SERINC5: variants seen among roughly 807,000 people sequenced by gnomAD.
SERINC5 encodes the protein serine incorporator 5, also known as chromosome 5 open reading frame 12.
SERINC5 carries 41 observed loss-of-function variants against 63.1 expected under a neutral mutation model. That is an observed-to-expected ratio of 0.65 (90% CI 0.51 to 0.84). The LOEUF (loss-of-function observed/expected upper bound fraction) is 0.84, where lower values mean the gene tolerates loss of function less well. Ranked by LOEUF, SERINC5 falls within the 40% of genes least tolerant of loss-of-function variation. The probability of loss-of-function intolerance (pLI) is 0.00; values close to 1 mark genes in which losing one functional copy is unlikely to be tolerated. For synonymous variants in SERINC5, 222 were observed against 215.2 expected (o/e 1.03, Z -0.28); for missense variants, 523 against 573.0 (o/e 0.91, Z 0.89).
At chr5:80,211,580 T>G (rs1282365525) in intron 1 of SERINC5, among the ~76,000 whole-genome samples, 2 of 152,224 alleles carry the variant, frequency 1.3e-5, no homozygotes, top group African/African-American at 2.4e-5. Context: ...ATCACCTGTC[T>G]ATAAACTGCG....
chr5:80,248,611 A>G (rs1231860479), intron 1 of SERINC5, among the ~76,000 whole-genome samples: 1 of 152,254 alleles, frequency 6.6e-6, no homozygotes, highest in Non-Finnish European at 1.5e-5. Context: ...GCCAACATCA[A>G]CCAAAACACC....
At position 80,114,424 on chromosome 5, in the gene SERINC5, C is replaced by A. The variant is rs546672087; in HGVS notation, c.1239-799G>T. ...ATCCCAGCACTTTGGGAGGTTGAGG[C>A]AGGCAGATCACTTGAGGTCAGGAGT... On this transcript the variant is annotated intron_variant, in intron 11 of 12. Transcript: ENST00000509193. The A allele has an allele frequency of 1.2e-4, 18 of 156,446 alleles. No individual in the cohort carries two copies. The South Asian group carries it at 1.2e-3, about 11-fold the overall frequency. The allele number at this position is 156,446 out of a possible 1,614,324, so 9.7% of individuals were successfully genotyped here. A position where few individuals can be genotyped will look rare whatever the true frequency, so the allele number is the denominator to read the frequency against.
chr5:80,139,045 G>T lies in SERINC5; in HGVS notation c.*4618C>A. 1 of 983,354 alleles carries T rather than the reference G, an allele frequency of 1.0e-6. No homozygotes were observed. Among genetic ancestry groups the T allele is most frequent in the Non-Finnish European group, 1.2e-6 (1 of 828,152 alleles). The allele number at this position is 983,354 out of a possible 1,614,324, so 60.9% of individuals were successfully genotyped here. ...TAAAGGGGGAAAATAACTTTCAAAAGTTACCAAAATTCGAATCATATCAGA... is the reference window on the plus strand; with the variant it reads ...TAAAGGGGGAAAATAACTTTCAAAATTTACCAAAATTCGAATCATATCAGA... On this transcript the variant is annotated 3_prime_UTR_variant, in exon 12 of 12. Coordinates refer to ENST00000507668, the MANE Select transcript of SERINC5 (RefSeq NM_001174072.3).
intron 1 of SERINC5, among the ~76,000 whole-genome samples, chr5:80,213,853 A>AAT (rs1750544498): frequency 6.6e-6 from 1 of 152,134 alleles, no homozygotes; most frequent in African/African-American, 2.4e-5. Context: ...TTCACTCACT[A>AAT]ATATATACTA....
At chr5:80,167,638 T>C (rs1747390757) in intron 6 of SERINC5, among the ~76,000 whole-genome samples, 1 of 152,178 alleles carries the variant, frequency 6.6e-6, no homozygotes. Context: ...TTTGAGGAAT[T>C]GCCACCCTGC....
chr5:80,125,990 C>T (rs1744733742), intron 11 of SERINC5, among the ~76,000 whole-genome samples: 1 of 152,186 alleles, frequency 6.6e-6, no homozygotes, highest in South Asian at 2.1e-4. Flanking sequence ...AGTTCAGAGA[C>T]TCTATCAGAA....
At chr5:80,175,851 G>A (rs1248277032) in intron 4 of SERINC5, among the ~76,000 whole-genome samples, 4 of 134,384 alleles carry the variant, frequency 3.0e-5, no homozygotes, top group Admixed American at 7.8e-5. Context: ...GTGACAGAGC[G>A]AGACTTGGTC....
intron 1 of SERINC5, among the ~76,000 whole-genome samples, chr5:80,225,083 G>A (rs374654937): frequency 1.5e-4 from 23 of 152,018 alleles, no homozygotes; most frequent in African/African-American, 5.6e-4. Flanking sequence ...TGAGATTACA[G>A]GGGCACGCCA....
rs1169849231 is a variant in SERINC5, at chr5:80,150,938, T to C, written c.997A>G (p.Thr333Ala). ...GCILYSCLTS[T>A]TRSSSDALQG... Reference sequence around the variant, plus strand: ...AGAGCGTCAGAACTCGATCTTGTTGTTGATGTCAAACTAAGAAACAGACAA... The same window carrying C: ...AGAGCGTCAGAACTCGATCTTGTTGCTGATGTCAAACTAAGAAACAGACAA... The change falls in exon 9 of 12, where the codon ACA becomes GCA. Residue 333 changes from threonine to alanine, a missense_variant. Physicochemically the swap from Thr to Ala is moderately conservative, Grantham distance 58. Transcript: ENST00000507668. The C allele has an allele frequency of 1.2e-6, 2 of 1,613,136 alleles. No homozygotes were observed. Among genetic ancestry groups the C allele is most frequent in the Admixed American group, 1.7e-5 (1 of 60,006 alleles).
chr5:80,201,288 G>A (rs575821769), intron 2 of SERINC5, among the ~76,000 whole-genome samples: 1 of 152,320 alleles, frequency 6.6e-6, no homozygotes, highest in African/African-American at 2.4e-5. Flanking sequence ...GATGCAGTAC[G>A]GAGTGGTCGG....
chr5:80,237,412 C>A (rs1751745637), intron 1 of SERINC5, among the ~76,000 whole-genome samples: 1 of 151,684 alleles, frequency 6.6e-6, no homozygotes, highest in African/African-American at 2.4e-5. Context: ...TGGCTCACTG[C>A]AGCTTCAACT....
intron 10 of SERINC5, among the ~76,000 whole-genome samples, chr5:80,146,518 T>A (rs1745835102): frequency 1.3e-5 from 2 of 152,164 alleles, no homozygotes; most frequent in South Asian, 4.1e-4. Context: ...AGTGGCATGA[T>A]CTTGGGTCAC....
At chr5:80,170,893 G>C (rs1429900355) in intron 5 of SERINC5, among the ~76,000 whole-genome samples, 1 of 152,218 alleles carries the variant, frequency 6.6e-6, no homozygotes, top group Non-Finnish European at 1.5e-5. Flanking sequence ...TGTAGTCCCA[G>C]CTGCTTGGGA....
At chr5:80,144,035 C>T (rs1401907731) in intron 11 of SERINC5, among the ~76,000 whole-genome samples, 6 of 152,224 alleles carry the variant, frequency 3.9e-5, no homozygotes, top group South Asian at 2.1e-4. Context: ...CTCAGCCCAC[C>T]CCCCGCATTC....
At chr5:80,205,515 T>C (rs1372578790) in intron 1 of SERINC5, among the ~76,000 whole-genome samples, 1 of 152,172 alleles carries the variant, frequency 6.6e-6, no homozygotes, top group African/African-American at 2.4e-5. Context: ...ATGGGTGCCT[T>C]TTACACTGCA....
rs1012995546 is a variant in SERINC5 at position 80,142,659 on chromosome 5, C to T, written c.*1004G>A. ...CACGTTACAGATCCAGAACACAAAA[C>T]GACTTCCGCTTTTACAGTTTCAAAG... On this transcript the variant is annotated 3_prime_UTR_variant, in exon 12 of 12. Transcript: ENST00000507668. 82 of 985,316 alleles carry T rather than the reference C, an allele frequency of 8.3e-5. No homozygotes were observed. The highest frequency in any genetic ancestry group is 1.2e-4 in the Admixed American group (2 of 16,252). The allele number at this position is 985,316 out of a possible 1,614,324, so 61.0% of individuals were successfully genotyped here.
chr5:80,176,004 C>T (rs1298414668), intron 4 of SERINC5, among the ~76,000 whole-genome samples: 1 of 151,806 alleles, frequency 6.6e-6, no homozygotes, highest in Non-Finnish European at 1.5e-5. Context: ...TATGGTGAAA[C>T]CCCGTCTCTA....
chr5:80,119,182 C>T lies in SERINC5; in HGVS notation c.1239-5557G>A, dbSNP rs189262353. ...GGGTTGTTTGAAAGAATTAAATAAG[C>T]TAATATGTTAAAAGTACTGGATAAT... On this transcript the variant is annotated intron_variant, in intron 11 of 12. Coordinates refer to the SERINC5 transcript ENST00000509193. Among the ~76,000 whole-genome samples, 7 of 152,238 alleles carry T rather than the reference C, an allele frequency of 4.6e-5. No individual in the cohort carries two copies. In the East Asian group the frequency reaches 1.4e-3, roughly 29 times the overall value.
At chr5:80,222,595 G>A (rs1032610705) in intron 1 of SERINC5, among the ~76,000 whole-genome samples, 6 of 91,336 alleles carry the variant, frequency 6.6e-5, no homozygotes, top group South Asian at 5.9e-4. Flanking sequence ...TGTTTGAGAC[G>A]GAGTTTCGCT....
Sources: allele counts gnomAD v4.1 joint callset (sites outside exome capture counted in the v4.1 genomes callset), GRCh38; gene constraint gnomAD v4.1.1; transcripts MANE v1.5; gene names NCBI Gene and HGNC (gene_info 2026-07-23, HGNC 2026-07-21).